UBE2G1: variants seen among roughly 807,000 people sequenced by gnomAD.
The protein encoded by UBE2G1 is ubiquitin conjugating enzyme E2 G1.
Under a neutral mutation model 22.7 loss-of-function variants are expected in UBE2G1, and 5 were observed. The ratio of observed to expected loss-of-function variants is 0.22; its 90% CI spans 0.12 to 0.46. The LOEUF (loss-of-function observed/expected upper bound fraction) is 0.46, where lower values mean the gene tolerates loss of function less well. Ranked by LOEUF, UBE2G1 falls within the 20% of genes least tolerant of loss-of-function variation. The pLI is 0.99. For synonymous variants in UBE2G1, 74 were observed against 67.5 expected, an observed-to-expected ratio of 1.10 and a Z score of -0.47; for missense variants, 88 against 203.9, an observed-to-expected ratio of 0.43 and a Z score of 3.46.
At chr17:4,282,288 G>T (rs1371798107) in intron 5 of UBE2G1, among the ~76,000 whole-genome samples, 1 of 152,040 alleles carries the variant, frequency 6.6e-6, no homozygotes, top group Non-Finnish European at 1.5e-5. Flanking sequence ...TCACCATGTT[G>T]TCCAGGCTAG....
intron 2 of UBE2G1, chr17:4,301,888 A>C: frequency 6.1e-6 from 3 of 494,774 alleles, no homozygotes; most frequent in South Asian, 4.7e-5. Context: ...CTAAGATTGA[A>C]GCTTCGTGGG....
chr17:4,309,986 T>C (rs1969290837), intron 1 of UBE2G1, among the ~76,000 whole-genome samples: 1 of 152,220 alleles, frequency 6.6e-6, no homozygotes, highest in South Asian at 2.1e-4. Flanking sequence ...CCTTTGCTTG[T>C]TCCATGTAAG....
chr17:4,318,300 C>A (rs192157409), intron 1 of UBE2G1, among the ~76,000 whole-genome samples: 50 of 152,236 alleles, frequency 3.3e-4, no homozygotes, highest in Non-Finnish European at 5.4e-4. Context: ...TGAATTATTT[C>A]TTTTGGAAAA....
In UBE2G1 at chr17:4,307,035, A is replaced by C. The variant is rs755046996; in HGVS notation, c.135T>G (p.Pro45=). 6.2e-7 allele frequency: 1 copy of C among 1,613,638 alleles called. No homozygotes were observed. Among genetic ancestry groups the C allele is most frequent in the Non-Finnish European group, 8.5e-7 (1 of 1,179,604 alleles). ...LYRWEVLIIG[P]PDTLYEGGVF... ...ATTATACTTACTAAAGTGTATCTGG[A>C]GGGCCAATAATAAGGACTTCCCATC... The change falls in exon 2 of 6, where the codon CCT becomes CCG. Residue 45 remains proline, a synonymous_variant. Coordinates refer to ENST00000396981, the MANE Select transcript of UBE2G1 (RefSeq NM_003342.5).
At chr17:4,354,910 C>G (rs189412967) in intron 1 of UBE2G1, among the ~76,000 whole-genome samples, 1 of 152,082 alleles carries the variant, frequency 6.6e-6, no homozygotes, top group Non-Finnish European at 1.5e-5. Flanking sequence ...GCACTCCAGC[C>G]TGGGTGACAG....
chr17:4,322,853 C>G (rs1241322747), intron 1 of UBE2G1, among the ~76,000 whole-genome samples: 2 of 151,956 alleles, frequency 1.3e-5, no homozygotes, highest in Non-Finnish European at 2.9e-5. Context: ...TGTATAACCA[C>G]CAGCAGCATG....
At chr17:4,365,207 G>A (rs879923511) in intron 1 of UBE2G1, among the ~76,000 whole-genome samples, 1 of 152,240 alleles carries the variant, frequency 6.6e-6, no homozygotes, top group Non-Finnish European at 1.5e-5. Context: ...AAGATCGCTT[G>A]AACTGAGAAT....
In UBE2G1 at chr17:4,271,572, G is replaced by A. The variant is rs1968760245; in HGVS notation, c.*982C>T. ...TGCAGTATAGAAGAATAGAGGCAGA[G>A]AAATATGAAGGACTAAGGAGAAGGG... On this transcript the variant is annotated 3_prime_UTR_variant, in exon 6 of 6. Coordinates refer to ENST00000396981, the MANE Select transcript of UBE2G1 (RefSeq NM_003342.5). The A allele has an allele frequency of 6.7e-6, 1 of 149,796 alleles. No homozygotes were observed. Among genetic ancestry groups the A allele is most frequent in the Non-Finnish European group, 1.5e-5 (1 of 67,648 alleles). The allele number at this position is 149,796 out of a possible 1,614,324, so 9.3% of individuals were successfully genotyped here.
chr17:4,337,875 T>C (rs931930284), intron 1 of UBE2G1, among the ~76,000 whole-genome samples: 1 of 151,814 alleles, frequency 6.6e-6, no homozygotes, highest in Non-Finnish European at 1.5e-5. Flanking sequence ...GAATTAATTC[T>C]AAAACCTAGG....
intron 1 of UBE2G1, among the ~76,000 whole-genome samples, chr17:4,346,367 T>A (rs987823631): frequency 1.3e-5 from 2 of 152,146 alleles, no homozygotes; most frequent in African/African-American, 2.4e-5. Context: ...ACACTTGTTT[T>A]GTATGGTCCT....
At position 4,296,795 on chromosome 17, in the gene UBE2G1, C is replaced by T. The variant is rs1969118050; in HGVS notation, c.169G>A (p.Ala57Thr). 6.2e-7 allele frequency: 1 copy of T among 1,613,734 alleles called. No individual in the cohort carries two copies. Among genetic ancestry groups the T allele is most frequent in the African/African-American group, 1.3e-5 (1 of 74,988 alleles). ...DTLYEGGVFK[A>T]HLTFPKDYPL... ...TAATCTTTTGGGAAAGTAAGATGAG[C>T]CTTAAAAACACCACCTTCACTGGAA... Residue 57 changes from alanine to threonine, a missense_variant, in exon 3 of 6, where the codon GCT (alanine) becomes ACT (threonine). Around this residue, in one of 2 missense-constraint regions of UBE2G1, gnomAD observed 50 missense variants for 71.0 expected, o/e 0.70. Coordinates refer to ENST00000396981, the MANE Select transcript of UBE2G1 (RefSeq NM_003342.5).
At chr17:4,357,743 A>G (rs1004681737) in intron 1 of UBE2G1, among the ~76,000 whole-genome samples, 2 of 152,042 alleles carry the variant, frequency 1.3e-5, no homozygotes, top group African/African-American at 4.8e-5. Context: ...AGGACAATCT[A>G]GCCAAGATCC....
At chr17:4,358,410 TGA>T (rs1969930905) in intron 1 of UBE2G1, among the ~76,000 whole-genome samples, 1 of 152,104 alleles carries the variant, frequency 6.6e-6, no homozygotes, top group South Asian at 2.1e-4. Flanking sequence ...AAACTACAGA[TGA>T]GAGCCACCAC....
chr17:4,351,828 G>C (rs1969847831), intron 1 of UBE2G1, among the ~76,000 whole-genome samples: 1 of 152,126 alleles, frequency 6.6e-6, no homozygotes, highest in African/African-American at 2.4e-5. Flanking sequence ...CCTTAAATAA[G>C]TAATTTAGTT....
chr17:4,314,685 TA>T (rs767334964), intron 1 of UBE2G1, among the ~76,000 whole-genome samples: 31 of 152,342 alleles, frequency 2.0e-4, no homozygotes, highest in Non-Finnish European at 3.8e-4. Flanking sequence ...CCAGGCATTT[TA>T]AAAGACAACC....
At chr17:4,357,621 G>A (rs1475908995) in intron 1 of UBE2G1, among the ~76,000 whole-genome samples, 1 of 150,808 alleles carries the variant, frequency 6.6e-6, no homozygotes, top group African/African-American at 2.4e-5. Flanking sequence ...TCATGTTACT[G>A]TATACCACAT....
intron 4 of UBE2G1, 151 bp from the exon 5 acceptor site, chr17:4,283,072 C>G (rs1046507137): frequency 1.4e-5 from 9 of 635,726 alleles, no homozygotes; most frequent in Non-Finnish European, 2.1e-5. Context: ...GTTAGACATA[C>G]TTTTTCAAGA....
chr17:4,330,976 CCACACA>C (rs57051928), intron 1 of UBE2G1, among the ~76,000 whole-genome samples: 10 of 143,574 alleles, frequency 7.0e-5, no homozygotes, highest in Non-Finnish European at 9.1e-5. Flanking sequence ...ACCTTTAAAA[CCACACA>C]CACACACACA....
At chr17:4,334,791 A>G (rs1192634015) in intron 1 of UBE2G1, among the ~76,000 whole-genome samples, 1 of 152,164 alleles carries the variant, frequency 6.6e-6, no homozygotes, top group African/African-American at 2.4e-5. Flanking sequence ...CACCCGCCTC[A>G]GCATCCCAAA....
Sources: allele counts gnomAD v4.1 joint callset (sites outside exome capture counted in the v4.1 genomes callset), GRCh38; gene constraint gnomAD v4.1.1; regional missense constraint gnomAD v4.1.1; transcripts MANE v1.5; gene names NCBI Gene and HGNC (gene_info 2026-07-23, HGNC 2026-07-21).